The following CTXND1 variants were observed in gnomAD, a reference collection of about 807,000 sequenced individuals.
The protein encoded by CTXND1 is cortexin domain containing 1, also known as cortexin domain-containing 1 protein.
Position 80,201,828 on chromosome 15 carries a change from A to G in CTXND1, c.122T>C (p.Met41Thr), listed in dbSNP as rs2041450874. The G allele has an allele frequency of 5.0e-6, 2 of 398,740 alleles. No individual in the cohort carries two copies. Among genetic ancestry groups the G allele is most frequent in the Admixed American group, 4.4e-5 (1 of 22,720 alleles). The allele number at this position is 398,740 out of a possible 1,614,324, so 24.7% of individuals were successfully genotyped here. A position where few individuals can be genotyped will look rare whatever the true frequency, so the allele number is the denominator to read the frequency against. ...TGTGGGGATGGCGCTGTAAGGGTCCATGATGACCTTGGCACAGCGGATGAT... is the reference window on the plus strand; with the variant it reads ...TGTGGGGATGGCGCTGTAAGGGTCCGTGATGACCTTGGCACAGCGGATGAT... ...VMIIRCAKVI[M>T]DPYSAIPTST... The change falls in exon 3 of 3, where the codon ATG (methionine) becomes ACG (threonine). Residue 41 changes from methionine (M) to threonine (T), a missense_variant. Met to Thr is a moderately conservative substitution (Grantham distance 81). Coordinates refer to ENST00000560778, the MANE Select transcript of CTXND1 (RefSeq NM_001352888.2).
intron 1 of CTXND1, among the ~76,000 whole-genome samples, chr15:80,213,289 T>C (rs533877614): frequency 1.3e-5 from 2 of 152,256 alleles, no homozygotes; most frequent in Non-Finnish European, 2.9e-5. Context: ...ATATGTAGCA[T>C]AGGCATGAAT....
intron 1 of CTXND1, among the ~76,000 whole-genome samples, chr15:80,236,187 C>T (rs1893493465): frequency 6.6e-6 from 1 of 151,814 alleles, no homozygotes; most frequent in Non-Finnish European, 1.5e-5. Context: ...CCTTTTACTT[C>T]CTTTCAAGGT....
At chr15:80,249,112 G>A (rs1893666208) in intron 1 of CTXND1, among the ~76,000 whole-genome samples, 1 of 151,996 alleles carries the variant, frequency 6.6e-6, no homozygotes, top group Non-Finnish European at 1.5e-5. Context: ...CACCATGCCT[G>A]GCTAATTTTT....
intron 1 of CTXND1, among the ~76,000 whole-genome samples, chr15:80,245,070 G>T (rs539256310): frequency 6.6e-6 from 1 of 152,130 alleles, no homozygotes; most frequent in African/African-American, 2.4e-5. Context: ...TCACAGAGTC[G>T]GTGTGAGGAT....
At chr15:80,246,447 C>T (rs770087861) in intron 1 of CTXND1, among the ~76,000 whole-genome samples, 9 of 152,176 alleles carry the variant, frequency 5.9e-5, no homozygotes, top group Non-Finnish European at 1.2e-4. Flanking sequence ...ATCGGAGCCA[C>T]ATAAGCCTGG....
At chr15:80,214,460 A>C (rs1000688270) in intron 1 of CTXND1, among the ~76,000 whole-genome samples, 1 of 152,318 alleles carries the variant, frequency 6.6e-6, no homozygotes, top group South Asian at 2.1e-4. Flanking sequence ...TGCAGACTGC[A>C]TTTTTGACCA....
chr15:80,238,031 T>A lies in CTXND1; in HGVS notation c.-218+13976A>T, dbSNP rs868195138. On this transcript the variant is annotated intron_variant, in intron 1 of 2. Coordinates refer to ENST00000560778, the MANE Select transcript of CTXND1 (RefSeq NM_001352888.2). ...CTCAAAAAAAAAAAAAAAAAAAAAA[T>A]TAAAACAATTTAAGTTTATAAAGCA... Among the ~76,000 whole-genome samples the A allele has an allele frequency of 6.7e-3, 700 of 104,854 alleles. 8 individuals carry two copies. The highest frequency in any genetic ancestry group is 0.024 in the African/African-American group (649 of 26,680). 68.8% of individuals were successfully genotyped at this position (104,854 alleles called of 152,430 possible).
At chr15:80,241,391 C>T (rs1024729467) in intron 1 of CTXND1, among the ~76,000 whole-genome samples, 2 of 152,172 alleles carry the variant, frequency 1.3e-5, no homozygotes, top group Non-Finnish European at 2.9e-5. Context: ...CTTTTCATGA[C>T]TTTGTTCAAC....
intron 1 of CTXND1, among the ~76,000 whole-genome samples, chr15:80,214,709 G>A (rs369657284): frequency 2.6e-5 from 4 of 152,132 alleles, no homozygotes; most frequent in South Asian, 2.1e-4. Flanking sequence ...GTGAAACAAG[G>A]AATCAACTTA....
intron 1 of CTXND1, among the ~76,000 whole-genome samples, chr15:80,219,436 A>C (rs1416707503): frequency 6.6e-6 from 1 of 152,172 alleles, no homozygotes; most frequent in Non-Finnish European, 1.5e-5. Context: ...TTTCTTCTCC[A>C]ACTAATGGGC....
chr15:80,211,906 A>G (rs1319995043), intron 1 of CTXND1, among the ~76,000 whole-genome samples: 1 of 152,096 alleles, frequency 6.6e-6, no homozygotes, highest in East Asian at 1.9e-4. Context: ...CAGGCTCTGA[A>G]TGTTTTTTAT....
intron 1 of CTXND1, among the ~76,000 whole-genome samples, chr15:80,239,646 A>G (rs1893542273): frequency 6.6e-6 from 1 of 151,968 alleles, no homozygotes; most frequent in African/African-American, 2.4e-5. Flanking sequence ...GGACCTTATG[A>G]TTGTGTAAGT....
chr15:80,223,718 G>C (rs181627848), intron 1 of CTXND1, among the ~76,000 whole-genome samples: 47 of 151,956 alleles, frequency 3.1e-4, no homozygotes, highest in African/African-American at 1.0e-3. Flanking sequence ...TGGTAGGTTG[G>C]GCCTTGTAAA....
intron 1 of CTXND1, among the ~76,000 whole-genome samples, chr15:80,236,462 C>T (rs1316485936): frequency 6.6e-6 from 1 of 152,178 alleles, no homozygotes; most frequent in African/African-American, 2.4e-5. Context: ...ATGATGTTTC[C>T]ATCAACCATA....
At chr15:80,228,849 T>G (rs562291571) in intron 1 of CTXND1, among the ~76,000 whole-genome samples, 10 of 152,124 alleles carry the variant, frequency 6.6e-5, no homozygotes, top group African/African-American at 2.2e-4. Context: ...AGGCTGGTCT[T>G]GAACTCCTGA....
rs548692911 is a variant in CTXND1 at position 80,226,772 on chromosome 15, T to C, written c.-217-23032A>G. 2.6e-5 allele frequency among the ~76,000 whole-genome samples: 4 copies of C among 152,346 alleles called. No homozygotes were observed. The South Asian group carries it at 8.3e-4, about 32-fold the overall frequency. On this transcript the variant is annotated intron_variant, in intron 1 of 2. Transcript: ENST00000560778. ...GCCATTGATTGTCAATCTGGCCCCATCTGCTTTATATCTTCCTGAAATTCC... is the reference window on the plus strand; with the variant it reads ...GCCATTGATTGTCAATCTGGCCCCACCTGCTTTATATCTTCCTGAAATTCC...
chr15:80,233,988 T>C (rs1001321859), intron 1 of CTXND1, among the ~76,000 whole-genome samples: 3 of 152,128 alleles, frequency 2.0e-5, no homozygotes, highest in South Asian at 2.1e-4. Context: ...TCCATTCCCA[T>C]TAACAGAGGT....
At chr15:80,225,891 G>A (rs1223467008) in intron 1 of CTXND1, among the ~76,000 whole-genome samples, 1 of 152,096 alleles carries the variant, frequency 6.6e-6, no homozygotes, top group Non-Finnish European at 1.5e-5. Flanking sequence ...TTTATAAATG[G>A]AGGTATAGAT....
chr15:80,232,941 C>CTT (rs71455324), intron 1 of CTXND1, among the ~76,000 whole-genome samples: 17,926 of 123,112 alleles, frequency 0.15, 1,896 homozygotes, highest in Non-Finnish European at 0.21. Context: ...ATGCAACTTC[C>CTT]TTTTTTTTTT....
Sources: allele counts gnomAD v4.1 joint callset (sites outside exome capture counted in the v4.1 genomes callset), GRCh38; gene constraint gnomAD v4.1.1; transcripts MANE v1.5; gene names NCBI Gene and HGNC (gene_info 2026-07-23, HGNC 2026-07-21).